Variants in ITGBL1 observed in about 807,000 individuals in gnomAD.
ITGBL1 encodes integrin subunit beta like 1.
ITGBL1 carries 51 observed loss-of-function variants against 68.5 expected under a neutral mutation model. The ratio of observed to expected loss-of-function variants is 0.74; its 90% CI spans 0.59 to 0.94. ITGBL1 has a LOEUF of 0.94. Ranked by LOEUF, ITGBL1 falls within the 40% of genes least tolerant of loss-of-function variation. The pLI is 0.00. For missense variants in ITGBL1, 649 were observed against 647.4 expected, an observed-to-expected ratio of 1.00 and a Z score of -0.03; for synonymous variants, 209 against 227.3, an observed-to-expected ratio of 0.92 and a Z score of 0.72.
At chr13:101,574,848 A>G (rs1566738179) in intron 3 of ITGBL1, among the ~76,000 whole-genome samples, 2 of 152,108 alleles carry the variant, frequency 1.3e-5, no homozygotes. Context: ...ATCCATGCCT[A>G]AGGAAATCCA....
Position 101,567,861 on chromosome 13 carries a change from T to C in ITGBL1, c.463+16T>C, listed in dbSNP as rs375665653. 27 of 1,595,148 alleles carry C rather than the reference T, an allele frequency of 1.7e-5. No homozygotes were observed. The highest frequency in any genetic ancestry group is 2.1e-5 in the Non-Finnish European group (25 of 1,169,824). On this transcript the variant is annotated intron_variant, in intron 3 of 10. Coordinates refer to ENST00000376180, the MANE Select transcript of ITGBL1 (RefSeq NM_004791.3). ...TCTAATGCAGGTAAGAAGTATACCC[T>C]GTGAAAATTGTTAAGTGGAATAATC... is the stretch of plus-strand genomic sequence containing the variant.
chr13:101,602,260 T>G lies in ITGBL1; in HGVS notation c.1015+3961T>G, dbSNP rs1479967429. ...AATTCATTGTATAAACAAATAGCTA[T>G]GAATAAGCTTTTGTCATTTGAGAAG... is the stretch of plus-strand genomic sequence containing the variant. On this transcript the variant is annotated intron_variant, in intron 7 of 10. Coordinates refer to ENST00000376180, the MANE Select transcript of ITGBL1 (RefSeq NM_004791.3). 1.3e-5 allele frequency among the ~76,000 whole-genome samples: 2 copies of G among 152,080 alleles called. 1 individual carries two copies. The highest frequency in any genetic ancestry group is 4.1e-4 in the South Asian group (2 of 4,832).
chr13:101,704,413 G>T lies in ITGBL1; in HGVS notation c.1133-2343G>T, dbSNP rs1231176222. On this transcript the variant is annotated intron_variant, in intron 8 of 10. Coordinates refer to ENST00000376180, the MANE Select transcript of ITGBL1 (RefSeq NM_004791.3). Reference sequence around the variant, plus strand: ...AAAATTTAATGGATTTTTCAAGAAAGAAATTATGGAGAGATTAAAAAAGAT... The same window carrying T: ...AAAATTTAATGGATTTTTCAAGAAATAAATTATGGAGAGATTAAAAAAGAT... 2.3e-5 allele frequency among the ~76,000 whole-genome samples: 3 copies of T among 127,800 alleles called. No homozygotes were observed. In the East Asian group the frequency reaches 7.7e-4, roughly 33 times the overall value. The allele number at this position is 127,800 out of a possible 152,430, so 83.8% of individuals were successfully genotyped here. A position where few individuals can be genotyped will look rare whatever the true frequency, so the allele number is the denominator to read the frequency against.
At chr13:101,513,758 C>T (rs539640409) in intron 2 of ITGBL1, among the ~76,000 whole-genome samples, 1 of 151,976 alleles carries the variant, frequency 6.6e-6, no homozygotes, top group African/African-American at 2.4e-5. Context: ...TGAAATTGAC[C>T]AACAAGTAAT....
At chr13:101,616,700 A>G (rs1041431014) in intron 7 of ITGBL1, among the ~76,000 whole-genome samples, 10 of 152,278 alleles carry the variant, frequency 6.6e-5, no homozygotes, top group African/African-American at 2.2e-4. Flanking sequence ...CACATTGGCC[A>G]GGCTGTTCTC....
At chr13:101,528,685 T>C (rs969064016) in intron 2 of ITGBL1, among the ~76,000 whole-genome samples, 3 of 152,016 alleles carry the variant, frequency 2.0e-5, no homozygotes, top group Non-Finnish European at 4.4e-5. Context: ...ATGTATATAA[T>C]GAATGTTCTG....
intron 8 of ITGBL1, among the ~76,000 whole-genome samples, chr13:101,694,964 A>G (rs1045634735): frequency 3.9e-5 from 6 of 152,186 alleles, no homozygotes; most frequent in African/African-American, 9.7e-5. Flanking sequence ...TTGAGTGTCT[A>G]CTATTTGCCA....
chr13:101,487,258 G>A (rs983371331), intron 2 of ITGBL1, among the ~76,000 whole-genome samples: 4 of 152,100 alleles, frequency 2.6e-5, no homozygotes, highest in East Asian at 3.9e-4. Flanking sequence ...TCTGTTGCTG[G>A]GAGATGTTTG....
intron 2 of ITGBL1, among the ~76,000 whole-genome samples, chr13:101,564,740 G>A (rs1300583113): frequency 6.7e-6 from 1 of 150,294 alleles, no homozygotes; most frequent in Non-Finnish European, 1.5e-5. Context: ...AGGTATATAT[G>A]TATGTGTATA....
At chr13:101,696,609 T>C (rs375777442) in intron 8 of ITGBL1, among the ~76,000 whole-genome samples, 11 of 152,208 alleles carry the variant, frequency 7.2e-5, no homozygotes, top group East Asian at 1.9e-4. Context: ...TTACCTCCTA[T>C]AGGAAGCCTC....
intron 7 of ITGBL1, among the ~76,000 whole-genome samples, chr13:101,607,551 C>A (rs372560002): frequency 2.0e-4 from 31 of 151,240 alleles, no homozygotes; most frequent in East Asian, 1.8e-3. Context: ...TATATTCTTG[C>A]AGCAGGATTC....
chr13:101,490,228 A>T (rs1037277139), intron 2 of ITGBL1, among the ~76,000 whole-genome samples: 5 of 152,174 alleles, frequency 3.3e-5, no homozygotes, highest in African/African-American at 1.2e-4. Flanking sequence ...TTTCTCCACC[A>T]TGTGAGGGTA....
At chr13:101,686,720 G>T (rs1055527819) in intron 7 of ITGBL1, among the ~76,000 whole-genome samples, 2 of 151,900 alleles carry the variant, frequency 1.3e-5, no homozygotes, top group African/African-American at 4.8e-5. Flanking sequence ...GTGGGCGAGG[G>T]TGCTGTGGTC....
intron 7 of ITGBL1, among the ~76,000 whole-genome samples, chr13:101,685,488 C>G (rs1028226935): frequency 6.6e-6 from 1 of 151,994 alleles, no homozygotes; most frequent in African/African-American, 2.4e-5. Flanking sequence ...GATCTTGGCT[C>G]TTTATTATAT....
rs1190979505 is a variant in ITGBL1 at position 101,529,936 on chromosome 13, G to GA, written c.317-37756dup. On this transcript the variant is annotated intron_variant, in intron 2 of 10. Coordinates refer to ENST00000376180, the MANE Select transcript of ITGBL1 (RefSeq NM_004791.3). The stretch of plus-strand genomic sequence containing the variant: ...CTAATTCAGCAGTTAAGATAATCAA[G>GA]AAAAAAATAACTTGTGAGCCCACAA... Among the ~76,000 whole-genome samples, 4 of 151,968 alleles carry GA rather than the reference G, an allele frequency of 2.6e-5. No individual in the cohort carries two copies. In the South Asian group the frequency reaches 8.3e-4, roughly 32 times the overall value.
At chr13:101,593,391 A>G (rs1383650161) in intron 6 of ITGBL1, among the ~76,000 whole-genome samples, 1 of 152,106 alleles carries the variant, frequency 6.6e-6, no homozygotes, top group Non-Finnish European at 1.5e-5. Flanking sequence ...TAGAGCTGTG[A>G]TATGCATATA....
intron 7 of ITGBL1, among the ~76,000 whole-genome samples, chr13:101,655,668 G>A (rs981383234): frequency 2.6e-5 from 4 of 152,078 alleles, no homozygotes; most frequent in African/African-American, 9.7e-5. Flanking sequence ...CACTCTTCCT[G>A]CCAACATTCA....
intron 7 of ITGBL1, among the ~76,000 whole-genome samples, chr13:101,621,077 T>G (rs1381836853): frequency 1.3e-5 from 2 of 152,200 alleles, no homozygotes; most frequent in African/African-American, 4.8e-5. Flanking sequence ...GAAGCCTTCC[T>G]GGGTTTATCA....
intron 7 of ITGBL1, among the ~76,000 whole-genome samples, chr13:101,604,254 C>T (rs1366910404): frequency 6.6e-6 from 1 of 151,678 alleles, no homozygotes; most frequent in African/African-American, 2.4e-5. Flanking sequence ...ATATATTGAT[C>T]TTTTATAAAC....
Sources: allele counts gnomAD v4.1 joint callset (sites outside exome capture counted in the v4.1 genomes callset), GRCh38; gene constraint gnomAD v4.1.1; transcripts MANE v1.5; gene names NCBI Gene and HGNC (gene_info 2026-07-23, HGNC 2026-07-21).